Variants in TASL observed in about 807,000 individuals in gnomAD.
TASL encodes the protein TLR adaptor interacting with endolysosomal SLC15A4, also known as TLR adapter interacting with SLC15A4 on the lysosome.
TASL carries 6 observed loss-of-function variants against 12.9 expected under a neutral mutation model. The ratio of observed to expected loss-of-function variants is 0.46; its 90% CI spans 0.25 to 0.92. The LOEUF is 0.92. TASL is among the 40% of genes least tolerant of loss of function. TASL has a pLI of 0.17. For synonymous variants in TASL, 85 were observed against 79.3 expected, an observed-to-expected ratio of 1.07 and a Z score of -0.38; for missense variants, 165 against 212.8, an observed-to-expected ratio of 0.78 and a Z score of 1.40.
At chrX:30,570,265 T>C (rs1321681593) in intron 2 of TASL, among the ~76,000 whole-genome samples, 1 of 109,242 alleles carries the variant, frequency 9.2e-6, no homozygotes, top group African/African-American at 3.3e-5. Context: ...CACACATATA[T>C]ATGAAGAGAA....
rs1569304070 is a variant in TASL at position 30,560,132 on chromosome X, T to C, written c.224A>G (p.His75Arg). Residue 75 changes from histidine (H) to arginine (R), a missense_variant, in exon 3 of 3, where the codon CAT becomes CGT. By Grantham distance (29) the His-to-Arg change is conservative. Transcript: ENST00000378962. ...CACTGTGACTCTCTGACTTCTGCTA[T>C]GTTGGCTCTCTCTTGAATGCACTGA... is the stretch of plus-strand genomic sequence containing the variant. The part of the protein sequence containing the change: ...ISSVHSRESQ[H>R]SRSQRVTVLQ... 1 of 1,210,691 alleles carries C rather than the reference T, an allele frequency of 8.3e-7. No individual in the cohort carries two copies. The highest frequency in any genetic ancestry group is 3.0e-5 in the East Asian group (1 of 33,835).
intron 2 of TASL, among the ~76,000 whole-genome samples, chrX:30,570,360 A>T (rs1016646136): frequency 9.0e-6 from 1 of 111,480 alleles, no homozygotes; most frequent in Non-Finnish European, 1.9e-5. Flanking sequence ...TTGTTGCCAG[A>T]TCTATAAAAT....
At chrX:30,573,052 C>A (rs1360649537) in intron 2 of TASL, among the ~76,000 whole-genome samples, 3 of 112,287 alleles carry the variant, frequency 2.7e-5, no homozygotes, top group Non-Finnish European at 5.6e-5. Flanking sequence ...TAGATATTAT[C>A]ATAATCTAGA....
chrX:30,574,756 A>G (rs2147088327), intron 2 of TASL, among the ~76,000 whole-genome samples: 1 of 112,182 alleles, frequency 8.9e-6, no homozygotes. Flanking sequence ...GAAATAGTAC[A>G]TCTAAAGACA....
At chrX:30,564,450 GA>G (rs1236937197) in intron 2 of TASL, among the ~76,000 whole-genome samples, 2 of 107,875 alleles carry the variant, frequency 1.9e-5, no homozygotes, top group Non-Finnish European at 3.9e-5. Context: ...TCATGAATGT[GA>G]AATGATAGAA....
intron 2 of TASL, among the ~76,000 whole-genome samples, chrX:30,574,489 C>T (rs978880680): frequency 1.7e-4 from 19 of 111,352 alleles, no homozygotes; most frequent in African/African-American, 5.6e-4. Flanking sequence ...AAACAGATCC[C>T]GCCCCTTGAA....
intron 2 of TASL, among the ~76,000 whole-genome samples, chrX:30,571,280 A>AAGAAAGAAAGAAAGAAAGAAAG (rs1930609544): frequency 1.3e-5 from 1 of 79,954 alleles, no homozygotes; most frequent in African/African-American, 4.6e-5. Context: ...GAAAGAAAGA[A>AAGAAAGAAAGAAAGAAAGAAAG]AGAAAGAAAG....
chrX:30,573,543 T>G (rs1930661283), intron 2 of TASL, among the ~76,000 whole-genome samples: 1 of 112,176 alleles, frequency 8.9e-6, no homozygotes, highest in Non-Finnish European at 1.9e-5. Flanking sequence ...TCTAACCATA[T>G]GAACATTTTC....
At chrX:30,573,643 C>T (rs750923463) in intron 2 of TASL, among the ~76,000 whole-genome samples, 2 of 111,735 alleles carry the variant, frequency 1.8e-5, no homozygotes, top group Admixed American at 9.5e-5. Context: ...ACAGGCTGCA[C>T]GTGGTGGCTC....
intron 2 of TASL, among the ~76,000 whole-genome samples, chrX:30,562,030 C>A (rs1930433389): frequency 8.9e-6 from 1 of 111,825 alleles, no homozygotes; most frequent in African/African-American, 3.3e-5. Flanking sequence ...GCCCTCAACA[C>A]CCTACCCCCA....
chrX:30,573,748 T>A (rs1930664158), intron 2 of TASL, among the ~76,000 whole-genome samples: 1 of 109,117 alleles, frequency 9.2e-6, no homozygotes, highest in Admixed American at 9.8e-5. Flanking sequence ...TGAAACCCTG[T>A]CTCTACTAAA....
chrX:30,574,414 C>T lies in TASL; in HGVS notation c.-2+2338G>A, dbSNP rs140654339. Among the ~76,000 whole-genome samples the T allele has an allele frequency of 1.7e-4, 19 of 111,816 alleles. No homozygotes were observed. The East Asian group carries it at 5.0e-3, about 30-fold the overall frequency. ...CTTTGGAAAGAAGGAAAAATTGACA[C>T]GAGCAAAAGGAAAAAACAAGATTGA... On this transcript the variant is annotated intron_variant, in intron 2 of 2. Coordinates refer to ENST00000378962, the MANE Select transcript of TASL (RefSeq NM_025159.3).
At chrX:30,572,143 A>T (rs757077262) in intron 2 of TASL, among the ~76,000 whole-genome samples, 24 of 112,152 alleles carry the variant, frequency 2.1e-4, no homozygotes, top group African/African-American at 7.1e-4. Context: ...CACATTAATC[A>T]TTAACAGATA....
At chrX:30,560,955 T>C in intron 2 of TASL, among the ~76,000 whole-genome samples, 1 of 111,409 alleles carries the variant, frequency 9.0e-6, no homozygotes, top group East Asian at 2.8e-4. Context: ...AAGTTGCAGA[T>C]TGGAGAGAAA....
intron 2 of TASL, among the ~76,000 whole-genome samples, chrX:30,574,436 T>A (rs986091415): frequency 9.0e-6 from 1 of 111,150 alleles, no homozygotes; most frequent in African/African-American, 3.3e-5. Context: ...AAAAACAAGA[T>A]TGAGGATTGG....
At chrX:30,564,787 A>T (rs1930476051) in intron 2 of TASL, among the ~76,000 whole-genome samples, 1 of 112,126 alleles carries the variant, frequency 8.9e-6, no homozygotes, top group South Asian at 3.7e-4. Flanking sequence ...GAGACAAAGG[A>T]TACAGGAAAC....
chrX:30,571,286 G>A (rs867211720), intron 2 of TASL, among the ~76,000 whole-genome samples: 1 of 64,891 alleles, frequency 1.5e-5, no homozygotes, highest in African/African-American at 6.9e-5. Flanking sequence ...AAGAAAGAAA[G>A]AAAGAAAGAA....
intron 2 of TASL, among the ~76,000 whole-genome samples, chrX:30,561,053 T>C (rs773123491): frequency 1.8e-5 from 2 of 112,013 alleles, no homozygotes; most frequent in East Asian, 5.6e-4. Context: ...TAACTTTGTA[T>C]TGGATCCCTA....
intron 2 of TASL, among the ~76,000 whole-genome samples, chrX:30,567,170 G>A (rs1224571763): frequency 1.8e-5 from 2 of 109,862 alleles, no homozygotes; most frequent in East Asian, 2.8e-4. Flanking sequence ...CAGCTACTTG[G>A]CAGGCTGAGG....
Sources: allele counts gnomAD v4.1 joint callset (sites outside exome capture counted in the v4.1 genomes callset), GRCh38; gene constraint gnomAD v4.1.1; transcripts MANE v1.5; gene names NCBI Gene and HGNC (gene_info 2026-07-23, HGNC 2026-07-21).